Variants in ENTPD1 observed in about 807,000 individuals in gnomAD.
ENTPD1 encodes the protein ATP diphosphohydrolase.
Under a neutral mutation model 57.0 loss-of-function variants are expected in ENTPD1, and 33 were observed. The ratio of observed to expected loss-of-function variants is 0.58; its 90% CI spans 0.44 to 0.77. The LOEUF (loss-of-function observed/expected upper bound fraction) is 0.77, where lower values mean the gene tolerates loss of function less well. Ranked by LOEUF, ENTPD1 falls within the 30% of genes least tolerant of loss-of-function variation. The probability of loss-of-function intolerance (pLI) is 0.00; values close to 1 mark genes in which losing one functional copy is unlikely to be tolerated. For synonymous variants in ENTPD1, 202 were observed against 218.8 expected (o/e 0.92, Z 0.68); for missense variants, 501 against 603.4 (o/e 0.83, Z 1.78).
At chr10:95,698,422 G>A in the ENTPD1 span, among the ~76,000 whole-genome samples, 1 of 152,256 alleles carries the variant, frequency 6.6e-6, no homozygotes, top group Admixed American at 6.5e-5. Flanking sequence ...CTGACCACAT[G>A]AAGAGTAAAA....
chr10:95,748,143 G>C (rs555532361), intron 1 of ENTPD1, among the ~76,000 whole-genome samples: 17 of 152,274 alleles, frequency 1.1e-4, no homozygotes, highest in African/African-American at 2.9e-4. Flanking sequence ...AAAGTGCTGG[G>C]ATTACAGGCG....
upstream of ENTPD1, among the ~76,000 whole-genome samples, chr10:95,711,356 A>G (rs1304574192): frequency 3.3e-5 from 5 of 152,228 alleles, no homozygotes; most frequent in Non-Finnish European, 7.3e-5. Context: ...ATCTAGATAG[A>G]CAGCATTGCT....
chr10:95,823,458 C>T (rs547322138), intron 2 of ENTPD1, 94 bp downstream of exon 2: 48 of 1,581,932 alleles, frequency 3.0e-5, no homozygotes, highest in South Asian at 2.0e-4. Context: ...GCATAGGGGA[C>T]GAGTTGAGGT....
chr10:95,820,001 G>C (rs760687993), intron 1 of ENTPD1, among the ~76,000 whole-genome samples: 95 of 152,134 alleles, frequency 6.2e-4, no homozygotes, highest in Non-Finnish European at 1.2e-3. Context: ...GGCAGTCATG[G>C]GATCTGAAAG....
At chr10:95,701,612 A>G in the ENTPD1 span, among the ~76,000 whole-genome samples, 2 of 152,036 alleles carry the variant, frequency 1.3e-5, no homozygotes, top group African/African-American at 4.8e-5. Flanking sequence ...ACTTGAACCT[A>G]ATAAGCAAAT....
At position 95,756,195 on chromosome 10, in the gene ENTPD1, G is replaced by C. The variant is rs572162931; in HGVS notation, c.-45G>C. ...CGGACCACAGCAAGCAGAGGCTGGG[G>C]GGGGGAAAGACGAGGAAAGAGGAGG... On this transcript the variant is annotated 5_prime_UTR_variant, in exon 1 of 10. Transcript: ENST00000371205. 100 of 1,580,604 alleles carry C rather than the reference G, an allele frequency of 6.3e-5. No individual in the cohort carries two copies. The highest frequency in any genetic ancestry group is 1.2e-4 in the East Asian group (5 of 42,798).
rs3181132 is a variant in ENTPD1, at chr10:95,842,137, A to G, written c.263-207A>G. Among the ~76,000 whole-genome samples, 81,231 of 151,960 alleles carry G rather than the reference A, an allele frequency of 0.53. 22,158 individuals are homozygous for G. The highest frequency in any genetic ancestry group is 0.63 in the Admixed American group (9,599 of 15,284). On this transcript the variant is annotated intron_variant, in intron 3 of 9. Coordinates refer to ENST00000371205, the MANE Select transcript of ENTPD1 (RefSeq NM_001776.6). Reference sequence around the variant, plus strand: ...CCAGTGGCAGAATTATTGAACACTGAACAGACCCAACTTAAAGTCTGGAAA... The same window carrying G: ...CCAGTGGCAGAATTATTGAACACTGGACAGACCCAACTTAAAGTCTGGAAA...
In ENTPD1 at chr10:95,839,680, G is replaced by A. The variant is rs1489542827; in HGVS notation, c.145-11G>A. 5 of 1,613,876 alleles carry A rather than the reference G, an allele frequency of 3.1e-6. No homozygotes were observed. In the East Asian group the frequency reaches 8.9e-5, roughly 29 times the overall value. On this transcript the variant is annotated splice_polypyrimidine_tract_variant and intron_variant, in intron 2 of 9. Coordinates refer to ENST00000371205, the MANE Select transcript of ENTPD1 (RefSeq NM_001776.6). ...TGATACTGATAAGTTTTTGGTCTGTGTTGCTTTCAGTATGGGATTGTGCTG... is the reference window on the plus strand; with the variant it reads ...TGATACTGATAAGTTTTTGGTCTGTATTGCTTTCAGTATGGGATTGTGCTG...
At chr10:95,778,051 A>G (rs1430763016) in intron 1 of ENTPD1, among the ~76,000 whole-genome samples, 1 of 152,150 alleles carries the variant, frequency 6.6e-6, no homozygotes, top group Non-Finnish European at 1.5e-5. Context: ...ACCATCTGTC[A>G]TGGCTTCCCT....
chr10:95,738,736 A>G (rs899108488), intron 1 of ENTPD1, among the ~76,000 whole-genome samples: 1 of 152,198 alleles, frequency 6.6e-6, no homozygotes, highest in Admixed American at 6.5e-5. Context: ...CACTTTTTAA[A>G]ATGACAATTA....
upstream of ENTPD1, among the ~76,000 whole-genome samples, chr10:95,751,876 G>C (rs942630769): frequency 1.1e-4 from 17 of 152,288 alleles, no homozygotes; most frequent in African/African-American, 3.9e-4. Context: ...CATGGGAGTG[G>C]ACTTGGCAGA....
At chr10:95,845,905 G>A in intron 6 of ENTPD1, 1 of 392,886 alleles carries the variant, frequency 2.5e-6, no homozygotes, top group Non-Finnish European at 4.7e-6. Context: ...TTGTTGGAGG[G>A]GGAATTGCAA....
At chr10:95,702,235 A>G in the ENTPD1 span, among the ~76,000 whole-genome samples, 1 of 152,066 alleles carries the variant, frequency 6.6e-6, no homozygotes, top group Admixed American at 6.5e-5. Flanking sequence ...CTTAAAATAT[A>G]TATATGATTA....
chr10:95,722,463 G>A (rs996933695), intron 1 of ENTPD1, among the ~76,000 whole-genome samples: 4 of 152,024 alleles, frequency 2.6e-5, no homozygotes, highest in African/African-American at 9.7e-5. Flanking sequence ...ATACTATGCA[G>A]CCATAAAAAA....
At chr10:95,790,039 C>T (rs115178468) in intron 1 of ENTPD1, among the ~76,000 whole-genome samples, 5,150 of 152,198 alleles carry the variant, frequency 0.034, 120 homozygotes, top group Non-Finnish European at 0.049. Context: ...CAAAGTACCA[C>T]GAGTGATATT....
intron 1 of ENTPD1, among the ~76,000 whole-genome samples, chr10:95,807,148 G>T (rs1305767841): frequency 6.6e-6 from 1 of 152,176 alleles, no homozygotes; most frequent in Non-Finnish European, 1.5e-5. Context: ...GGCTTGCTGA[G>T]CTGCGGTGGG....
intron 8 of ENTPD1, among the ~76,000 whole-genome samples, chr10:95,860,816 T>C (rs1363058960): frequency 6.6e-6 from 1 of 152,224 alleles, no homozygotes; most frequent in African/African-American, 2.4e-5. Context: ...AGTCTGGCAG[T>C]AGGCAGCTGC....
the ENTPD1 span, among the ~76,000 whole-genome samples, chr10:95,695,049 C>T: frequency 0.038 from 5,828 of 151,722 alleles, 360 homozygotes; most frequent in African/African-American, 0.13. Context: ...GACAGGCACG[C>T]GCCACCACGC....
Position 95,844,480 on chromosome 10 carries a change from G to C in ENTPD1, c.418G>C (p.Glu140Gln). ...CTCAGCTCTTCCTTTGTACAGGATG[G>C]AAAGTGAAGAGTTGGCAGACAGGGT... ...ATAGMRLLRM[E>Q]SEELADRVLD... Residue 140 changes from glutamate to glutamine, a missense_variant, in exon 5 of 10, where the codon GAA becomes CAA. Coordinates refer to ENST00000371205, the MANE Select transcript of ENTPD1 (RefSeq NM_001776.6). The C allele has an allele frequency of 1.4e-5, 23 of 1,614,086 alleles. No individual in the cohort carries two copies. Among genetic ancestry groups the C allele is most frequent in the Non-Finnish European group, 1.9e-5 (23 of 1,179,976 alleles).
Sources: allele counts gnomAD v4.1 joint callset (sites outside exome capture counted in the v4.1 genomes callset), GRCh38; gene constraint gnomAD v4.1.1; transcripts MANE v1.5; gene names NCBI Gene and HGNC (gene_info 2026-07-23, HGNC 2026-07-21).